Variants in SGCD observed in about 807,000 individuals in gnomAD.
SGCD encodes the protein sarcoglycan delta.
In SGCD, 18 loss-of-function variants were observed where a neutral mutation model predicts 36.6. The observed-to-expected ratio is 0.49, with a 90% confidence interval of 0.34 to 0.73. SGCD has a LOEUF of 0.73. Ranked by LOEUF, SGCD falls within the 30% of genes least tolerant of loss-of-function variation. The pLI, the probability that SGCD is intolerant of heterozygous loss-of-function variation, is 0.01. For missense variants in SGCD, 387 were observed against 346.7 expected, an observed-to-expected ratio of 1.12 and a Z score of -0.92; for synonymous variants, 133 against 130.6, an observed-to-expected ratio of 1.02 and a Z score of -0.12.
At chr5:156,002,666 T>C (rs189992242) in intron 1 of SGCD, among the ~76,000 whole-genome samples, 2 of 152,354 alleles carry the variant, frequency 1.3e-5, no homozygotes, top group African/African-American at 4.8e-5. Context: ...TCACACCATC[T>C]TAAAGTATGT....
At chr5:155,734,246 C>A in the SGCD span, among the ~76,000 whole-genome samples, 1 of 150,926 alleles carries the variant, frequency 6.6e-6, no homozygotes, top group Non-Finnish European at 1.5e-5. Context: ...GGCTCTGTTG[C>A]CCAGGCTGGA....
Position 156,151,760 on chromosome 5 carries a change from T to C in SGCD, c.-44+27741T>C, listed in dbSNP as rs530259052. 5.7e-4 allele frequency among the ~76,000 whole-genome samples: 87 copies of C among 151,710 alleles called. 2 individuals carry two copies. The highest frequency in any genetic ancestry group is 2.1e-3 in the African/African-American group (86 of 41,022). On this transcript the variant is annotated intron_variant, in intron 3 of 9. Coordinates refer to the SGCD transcript ENST00000517913. ...TTTGCAGGAAGGAGTTTCCAGTCTC[T>C]TTTTCAAGGATTTTTTTAAGATACA...
chr5:156,573,753 G>T (rs1447491426), intron 4 of SGCD, among the ~76,000 whole-genome samples: 1 of 152,054 alleles, frequency 6.6e-6, no homozygotes, highest in African/African-American at 2.4e-5. Context: ...GAGTACAGTG[G>T]CCTGACCATA....
chr5:155,763,862 C>CCTCT, the SGCD span, among the ~76,000 whole-genome samples: 120 of 148,400 alleles, frequency 8.1e-4, no homozygotes, highest in South Asian at 2.4e-3. Context: ...CAATTATATA[C>CCTCT]CTCTCTCTCT....
At chr5:156,092,847 C>G (rs915744793) in intron 1 of SGCD, among the ~76,000 whole-genome samples, 2 of 152,182 alleles carry the variant, frequency 1.3e-5, no homozygotes, top group African/African-American at 4.8e-5. Flanking sequence ...AGTTTTCACT[C>G]TAGAGGTTGT....
intron 1 of SGCD, among the ~76,000 whole-genome samples, chr5:156,039,173 A>G (rs1759574253): frequency 6.6e-6 from 1 of 151,750 alleles, no homozygotes; most frequent in Admixed American, 6.6e-5. Flanking sequence ...AACCAATAAG[A>G]CCATTTAGTT....
chr5:155,750,402 A>G, the SGCD span, among the ~76,000 whole-genome samples: 1 of 152,196 alleles, frequency 6.6e-6, no homozygotes, highest in South Asian at 2.1e-4. Context: ...CAGAGACCAG[A>G]GCCTGCATAT....
At chr5:156,180,483 A>T (rs911000844) in intron 3 of SGCD, among the ~76,000 whole-genome samples, 1 of 152,214 alleles carries the variant, frequency 6.6e-6, no homozygotes, top group African/African-American at 2.4e-5. Flanking sequence ...AAATTCCTAT[A>T]GTAAGTAATT....
the SGCD span, among the ~76,000 whole-genome samples, chr5:155,732,082 GA>G: frequency 4.6e-5 from 7 of 152,172 alleles, no homozygotes; most frequent in Admixed American, 4.6e-4. Context: ...AGTTCCAGGG[GA>G]AGGCAGATGG....
chr5:156,389,381 A>G (rs562195309), intron 3 of SGCD, among the ~76,000 whole-genome samples: 15 of 152,326 alleles, frequency 9.8e-5, no homozygotes, highest in Non-Finnish European at 2.1e-4. Context: ...TGCCTACCCC[A>G]GACACTTGGT....
intron 7 of SGCD, among the ~76,000 whole-genome samples, chr5:156,675,636 T>C (rs1486756493): frequency 6.6e-6 from 1 of 152,180 alleles, no homozygotes; most frequent in Non-Finnish European, 1.5e-5. Context: ...ACTTAAGCAC[T>C]ACATAGACAG....
At chr5:155,802,069 G>A in the SGCD span, among the ~76,000 whole-genome samples, 1 of 152,176 alleles carries the variant, frequency 6.6e-6, no homozygotes, top group South Asian at 2.1e-4. Context: ...GATCAAAAGT[G>A]GACGCCTGAC....
chr5:156,370,844 G>A (rs994458147), intron 3 of SGCD, among the ~76,000 whole-genome samples: 3 of 152,064 alleles, frequency 2.0e-5, no homozygotes, highest in Non-Finnish European at 4.4e-5. Context: ...TGGAATATTA[G>A]GGCAGTCGGC....
the SGCD span, among the ~76,000 whole-genome samples, chr5:155,829,850 G>A: frequency 7.2e-5 from 11 of 152,152 alleles, no homozygotes; most frequent in Admixed American, 2.0e-4. Flanking sequence ...GAAAGTCTCA[G>A]GTTGTATTAC....
chr5:156,350,807 T>A (rs958611170), intron 3 of SGCD, among the ~76,000 whole-genome samples: 1 of 152,174 alleles, frequency 6.6e-6, no homozygotes, highest in African/African-American at 2.4e-5. Context: ...TCACTGTACA[T>A]GGCCCTTAAA....
At chr5:156,671,596 C>G (rs903753292) in intron 7 of SGCD, among the ~76,000 whole-genome samples, 2 of 152,040 alleles carry the variant, frequency 1.3e-5, no homozygotes, top group Admixed American at 1.3e-4. Flanking sequence ...AAGAATGAAG[C>G]AGTAAGAGTC....
chr5:156,246,903 T>A lies in SGCD; in HGVS notation c.-43-82631T>A, dbSNP rs115407086. ...ACCACTTTAGGCCTAAAACATGTAA[T>A]TAAGCTCCAGTACTAAGCATCTCAA... On this transcript the variant is annotated intron_variant, in intron 3 of 9. Transcript: ENST00000517913. Among the ~76,000 whole-genome samples, 499 of 152,222 alleles carry A rather than the reference T, an allele frequency of 3.3e-3. 4 individuals are homozygous for A. Among genetic ancestry groups the A allele is most frequent in the African/African-American group, 0.01 (419 of 41,546 alleles).
chr5:155,881,059 A>G (rs1171982544), intron 1 of SGCD, among the ~76,000 whole-genome samples: 1 of 152,118 alleles, frequency 6.6e-6, no homozygotes, highest in African/African-American at 2.4e-5. Flanking sequence ...CACTTAATAA[A>G]ATGTTTTTAT....
At chr5:156,014,576 T>G (rs1758926002) in intron 1 of SGCD, among the ~76,000 whole-genome samples, 1 of 152,228 alleles carries the variant, frequency 6.6e-6, no homozygotes, top group Admixed American at 6.5e-5. Flanking sequence ...TATACAATCT[T>G]AGTAAATTTA....
Sources: allele counts gnomAD v4.1 joint callset (sites outside exome capture counted in the v4.1 genomes callset), GRCh38; gene constraint gnomAD v4.1.1; transcripts MANE v1.5; gene names NCBI Gene and HGNC (gene_info 2026-07-23, HGNC 2026-07-21).